Variants in CRYBG1 observed in about 807,000 individuals in gnomAD.
CRYBG1 encodes the protein crystallin beta-gamma domain containing 1, also known as beta/gamma crystallin domain-containing protein 1.
A neutral mutation model predicts 189.2 loss-of-function variants in CRYBG1; 139 were observed. The observed-to-expected ratio is 0.73, with a 90% CI of 0.64 to 0.85. The LOEUF (loss-of-function observed/expected upper bound fraction) is 0.85. Among genes scored for constraint, CRYBG1 ranks in the 40% least tolerant of loss-of-function variants. The pLI is 0.00. For synonymous variants in CRYBG1, 1,023 were observed against 1,017.1 expected, an observed-to-expected ratio of 1.01 and a Z score of -0.11; for missense variants, 2,611 against 2,675.8, an observed-to-expected ratio of 0.98 and a Z score of 0.53.
At chr6:106,434,495 T>C (rs1771418298) in intron 1 of CRYBG1, among the ~76,000 whole-genome samples, 1 of 152,192 alleles carries the variant, frequency 6.6e-6, no homozygotes, top group African/African-American at 2.4e-5. Context: ...ATTAGAGTTT[T>C]AGGAGTGCTT....
chr6:106,453,275 T>G (rs1374926957), intron 2 of CRYBG1, among the ~76,000 whole-genome samples: 1 of 152,214 alleles, frequency 6.6e-6, no homozygotes, highest in Non-Finnish European at 1.5e-5. Context: ...ATTTTATATT[T>G]CATTAGAACA....
chr6:106,373,813 G>A (rs1423182495), intron 1 of CRYBG1, among the ~76,000 whole-genome samples: 6 of 152,256 alleles, frequency 3.9e-5, no homozygotes, highest in Admixed American at 3.3e-4. Context: ...ATTTTCCAAA[G>A]TACAACTGGA....
chr6:106,538,766 T>A (rs1213623776), intron 8 of CRYBG1, among the ~76,000 whole-genome samples: 1 of 151,912 alleles, frequency 6.6e-6, no homozygotes, highest in Admixed American at 6.6e-5. Flanking sequence ...TGTGGTGGTG[T>A]GTGCCTGTAC....
chr6:106,403,641 C>CT (rs1770765404), intron 1 of CRYBG1, among the ~76,000 whole-genome samples: 1 of 152,166 alleles, frequency 6.6e-6, no homozygotes, highest in Non-Finnish European at 1.5e-5. Context: ...ACTTGAAATA[C>CT]TTTTTTATGA....
intron 1 of CRYBG1, among the ~76,000 whole-genome samples, chr6:106,433,514 G>T (rs1007686894): frequency 6.6e-6 from 1 of 151,828 alleles, no homozygotes; most frequent in Non-Finnish European, 1.5e-5. Context: ...GACTAGTGTC[G>T]CTATAGCAAA....
intron 1 of CRYBG1, among the ~76,000 whole-genome samples, chr6:106,379,508 G>T (rs571943213): frequency 7.2e-5 from 11 of 151,912 alleles, no homozygotes; most frequent in African/African-American, 2.2e-4. Context: ...TGATCCACCC[G>T]CCTCGGCCTC....
intron 7 of CRYBG1, 55 bp downstream of exon 7, chr6:106,527,525 A>G: frequency 1.3e-6 from 2 of 1,537,806 alleles, no homozygotes; most frequent in East Asian, 2.3e-5. Context: ...ATGGATTCTT[A>G]CTTTAAGGGA....
At chr6:106,542,668 T>C (rs1774160921) in intron 10 of CRYBG1, among the ~76,000 whole-genome samples, 2 of 139,870 alleles carry the variant, frequency 1.4e-5, no homozygotes, top group South Asian at 2.3e-4. Flanking sequence ...TATTTTATTT[T>C]GAGACAAGAG....
chr6:106,416,164 C>G (rs1007057449), intron 1 of CRYBG1, among the ~76,000 whole-genome samples: 2 of 152,346 alleles, frequency 1.3e-5, no homozygotes, highest in East Asian at 1.9e-4. Context: ...CTGTGTCTAT[C>G]TCTGTCCCCA....
rs145451586 is a variant in CRYBG1 at position 106,405,957 on chromosome 6, G to C, written c.173+44876G>C. 4.6e-5 allele frequency among the ~76,000 whole-genome samples: 7 copies of C among 152,278 alleles called. No homozygotes were observed. The East Asian group carries it at 1.4e-3, about 29-fold the overall frequency. Reference sequence around the variant, plus strand: ...AAAAGGCTGAAAATTCCAAAAACCAGGACAGCTCTTCTCCTCCAAAGGATC... The same window carrying C: ...AAAAGGCTGAAAATTCCAAAAACCACGACAGCTCTTCTCCTCCAAAGGATC... On this transcript the variant is annotated intron_variant, in intron 1 of 21. Coordinates refer to ENST00000633556, the MANE Select transcript of CRYBG1 (RefSeq NM_001371242.2).
chr6:106,470,229 A>G (rs1237420869), intron 2 of CRYBG1, among the ~76,000 whole-genome samples: 1 of 151,868 alleles, frequency 6.6e-6, no homozygotes, highest in Non-Finnish European at 1.5e-5. Flanking sequence ...GAGGCTGAGG[A>G]GGGAAGATCC....
chr6:106,405,023 A>G (rs553203012), intron 1 of CRYBG1, among the ~76,000 whole-genome samples: 1 of 151,850 alleles, frequency 6.6e-6, no homozygotes, highest in Non-Finnish European at 1.5e-5. Context: ...CTGGAACGCC[A>G]GTAAGACAGA....
At chr6:106,393,390 C>T (rs1244760322) in intron 1 of CRYBG1, among the ~76,000 whole-genome samples, 1 of 144,770 alleles carries the variant, frequency 6.9e-6, no homozygotes, top group Non-Finnish European at 1.5e-5. Context: ...AGGGTTGTAA[C>T]GCTAACATAG....
chr6:106,543,594 G>T lies in CRYBG1; in HGVS notation c.5036G>T (p.Gly1679Val). 6.2e-7 allele frequency: 1 copy of T among 1,613,182 alleles called. No individual in the cohort carries two copies. Among genetic ancestry groups the T allele is most frequent in the East Asian group, 2.2e-5 (1 of 44,872 alleles). Residue 1679 changes from glycine (G) to valine (V), a missense_variant, in exon 11 of 22, where the codon GGC (glycine) becomes GTC (valine). By Grantham distance (109) the Gly-to-Val change is moderately radical (BLOSUM62 -3). Transcript: ENST00000633556. ...TSVGSMKVLR[G>V]IWVAYEKPGF... ...GTGGGGTCTATGAAAGTTCTAAGAGGCATGTAAGTACATGGGTGACTTGTT... is the reference window on the plus strand; with the variant it reads ...GTGGGGTCTATGAAAGTTCTAAGAGTCATGTAAGTACATGGGTGACTTGTT...
At chr6:106,365,794 G>C (rs1582722361) in intron 1 of CRYBG1, among the ~76,000 whole-genome samples, 1 of 151,804 alleles carries the variant, frequency 6.6e-6, no homozygotes, top group East Asian at 1.9e-4. Context: ...TCAAGCAGTA[G>C]ATGGGTCTCA....
Position 106,551,983 on chromosome 6 carries a change from G to C in CRYBG1, c.5439+5G>C, listed in dbSNP as rs1774415279. ...TCTGTTCAACCTATATGTTTGGTAAGGAGTTATATTTTTGTATGAGAATAT... is the reference window on the plus strand; with the variant it reads ...TCTGTTCAACCTATATGTTTGGTAACGAGTTATATTTTTGTATGAGAATAT... On this transcript the variant is annotated splice_donor_5th_base_variant and intron_variant, in intron 14 of 21. Transcript: ENST00000633556. The C allele has an allele frequency of 6.3e-7, 1 of 1,593,544 alleles. No individual in the cohort carries two copies. Among genetic ancestry groups the C allele is most frequent in the Non-Finnish European group, 8.5e-7 (1 of 1,171,986 alleles).
rs10593320 is a variant in CRYBG1 at position 106,489,787 on chromosome 6, C to CAA, written c.313-21624_313-21623dup. Among the ~76,000 whole-genome samples the CAA allele has an allele frequency of 8.0e-3, 656 of 81,570 alleles. 7 individuals carry two copies. Among genetic ancestry groups the CAA allele is most frequent in the Middle Eastern group, 0.056 (9 of 162 alleles). 53.5% of individuals were successfully genotyped at this position (81,570 alleles called of 152,430 possible). A position where few individuals can be genotyped will look rare whatever the true frequency, so the allele number is the denominator to read the frequency against. On this transcript the variant is annotated intron_variant, in intron 2 of 21. Transcript: ENST00000633556. The stretch of plus-strand genomic sequence containing the variant: ...CAGCCTGGGTGACAGACTCTGTGTC[C>CAA]AAAAAAAAAAAAAAAAAAAAGAAAG...
rs59488485 is a variant in CRYBG1 at position 106,525,513 on chromosome 6, G to A, written c.4412+127G>A. The stretch of plus-strand genomic sequence containing the variant: ...ATGAAAAGCACAGGAAATACTACTC[G>A]TGGTAAGATAAGGGATTCATATCTT... On this transcript the variant is annotated intron_variant, in intron 6 of 21. Transcript: ENST00000633556. 3.0e-4 allele frequency: 221 copies of A among 741,236 alleles called. 2 individuals carry two copies. The African/African-American group carries it at 3.4e-3, about 11-fold the overall frequency. 45.9% of individuals were successfully genotyped at this position (741,236 alleles called of 1,614,324 possible).
intron 1 of CRYBG1, among the ~76,000 whole-genome samples, chr6:106,379,778 G>C (rs941164068): frequency 6.6e-6 from 1 of 151,858 alleles, no homozygotes; most frequent in Middle Eastern, 3.2e-3. Context: ...CCCAGCTTGA[G>C]GATTGCTTGA....
Sources: allele counts gnomAD v4.1 joint callset (sites outside exome capture counted in the v4.1 genomes callset), GRCh38; gene constraint gnomAD v4.1.1; transcripts MANE v1.5; gene names NCBI Gene and HGNC (gene_info 2026-07-23, HGNC 2026-07-21).